The following CD163L1 variants were observed in gnomAD, a reference collection of about 807,000 sequenced individuals.
CD163L1 encodes scavenger receptor cysteine-rich type 1 protein M160.
CD163L1 carries 124 observed loss-of-function variants against 165.4 expected under a neutral mutation model. The ratio of observed to expected loss-of-function variants is 0.75; its 90% CI spans 0.65 to 0.87. The LOEUF is 0.87. Ranked by LOEUF, CD163L1 falls within the 40% of genes least tolerant of loss-of-function variation. The probability of loss-of-function intolerance (pLI) is 0.00; values close to 1 mark genes in which losing one functional copy is unlikely to be tolerated. For synonymous variants in CD163L1, 585 were observed against 662.2 expected (o/e 0.88, Z 1.79); for missense variants, 1,525 against 1,799.9 (o/e 0.85, Z 2.76).
At chr12:7,439,120 G>A in intron 2 of CD163L1, 15 of 1,572,324 alleles carry the variant, frequency 9.5e-6, no homozygotes, top group African/African-American at 1.4e-5. Context: ...CACTTTTAGT[G>A]TTTTGTTTCT....
intron 6 of CD163L1, among the ~76,000 whole-genome samples, chr12:7,401,792 C>T (rs142614080): frequency 1.1e-3 from 165 of 151,680 alleles, no homozygotes; most frequent in African/African-American, 3.7e-3. Flanking sequence ...TGAATGGTAG[C>T]GTTGCATGTG....
intron 18 of CD163L1, among the ~76,000 whole-genome samples, chr12:7,365,882 C>G (rs1310912781): frequency 1.3e-5 from 2 of 152,020 alleles, no homozygotes; most frequent in Non-Finnish European, 2.9e-5. Flanking sequence ...GATAGTATTA[C>G]TATACAATTC....
At chr12:7,439,674 T>G in intron 2 of CD163L1, 1 of 1,612,938 alleles carries the variant, frequency 6.2e-7, no homozygotes, top group Non-Finnish European at 8.5e-7. Context: ...TCTTCCTAAA[T>G]TCAAGAAGCA....
chr12:7,346,097 A>G (rs773536932), downstream of CD163L1, among the ~76,000 whole-genome samples: 18 of 152,088 alleles, frequency 1.2e-4, no homozygotes, highest in Non-Finnish European at 2.2e-4. Flanking sequence ...ATTTACTCTG[A>G]TATTTGTAAA....
chr12:7,332,742 T>C, the CD163L1 span, among the ~76,000 whole-genome samples: 1 of 152,132 alleles, frequency 6.6e-6, no homozygotes, highest in Non-Finnish European at 1.5e-5. Flanking sequence ...CTGAGAGATT[T>C]TGTCACCACC....
intron 8 of CD163L1, among the ~76,000 whole-genome samples, chr12:7,388,022 T>C (rs988547454): frequency 2.6e-5 from 4 of 152,134 alleles, no homozygotes; most frequent in Admixed American, 1.3e-4. Context: ...AGAACATACA[T>C]TGAGAGAAGG....
rs748751931 is a variant in CD163L1 at position 7,384,223 on chromosome 12, C to A, written c.2051-4925G>T. ...AGAACTGCAGAACTTGAAGATAAAT[C>A]TTTGAAATAACCTAGTAAAAGAAAA... On this transcript the variant is annotated intron_variant, in intron 8 of 19. Coordinates refer to ENST00000313599, the MANE Select transcript of CD163L1 (RefSeq NM_174941.6). 2.6e-5 allele frequency among the ~76,000 whole-genome samples: 4 copies of A among 152,010 alleles called. No homozygotes were observed. In the South Asian group the frequency reaches 8.3e-4, roughly 32 times the overall value.
At chr12:7,331,427 A>G in the CD163L1 span, among the ~76,000 whole-genome samples, 1 of 152,246 alleles carries the variant, frequency 6.6e-6, no homozygotes, top group Non-Finnish European at 1.5e-5. Context: ...ACAGCTTTGA[A>G]GAGAGCAGTG....
At chr12:7,356,763 A>G (rs1386920765) in intron 19 of CD163L1, among the ~76,000 whole-genome samples, 1 of 152,132 alleles carries the variant, frequency 6.6e-6, no homozygotes, top group Non-Finnish European at 1.5e-5. Flanking sequence ...TGGATTTTCT[A>G]GTTGACTTTG....
rs757579763 is a variant in CD163L1 at position 7,398,521 on chromosome 12, AC to A, written c.1471del (p.Val491Ter). ...AHSPCYGRLE[V>X]KYQGEWGTVC... is the part of the protein sequence containing the mutation. ...AGTCCCCCACTCTCCTTGGTATTTC[AC>A]CTCCAATCTCCCATAACAGGGGCTA... On this transcript the variant is annotated frameshift_variant, in exon 7 of 20. Transcript: ENST00000313599. LOFTEE classifies it high-confidence loss of function. The surrounding 1 kb of genome is among the most constrained non-coding windows in gnomAD (Gnocchi z 4.5). 3 of 1,612,300 alleles carry A rather than the reference AC, an allele frequency of 1.9e-6. No individual in the cohort carries two copies. The highest frequency in any genetic ancestry group is 1.7e-6 in the Non-Finnish European group (2 of 1,179,208).
intron 8 of CD163L1, among the ~76,000 whole-genome samples, chr12:7,380,377 G>GTATGTGTGTATACGCGTATACATACATC (rs1470799197): frequency 7.1e-6 from 1 of 140,088 alleles, no homozygotes; most frequent in African/African-American, 2.8e-5. Context: ...ATACATACAT[G>GTATGTGTGTATACGCGTATACATACATC]TATGTGTGTA....
the CD163L1 span, chr12:7,327,110 CA>C: frequency 1.3e-6 from 2 of 1,584,706 alleles, no homozygotes; most frequent in Non-Finnish European, 8.6e-7. Context: ...GTGCTTTGCC[CA>C]AAAGTTAAGT....
At chr12:7,401,371 T>A (rs1947913049) in intron 6 of CD163L1, among the ~76,000 whole-genome samples, 1 of 152,002 alleles carries the variant, frequency 6.6e-6, no homozygotes, top group African/African-American at 2.4e-5. Flanking sequence ...TATAGTGGAA[T>A]AATAGGGAAC....
chr12:7,414,121 A>G (rs1402672841), intron 4 of CD163L1, among the ~76,000 whole-genome samples: 5 of 152,226 alleles, frequency 3.3e-5, no homozygotes, highest in African/African-American at 1.2e-4. Context: ...CTGACCCCAA[A>G]GAAAGTAAGA....
At chr12:7,388,664 A>C (rs1363097572) in intron 8 of CD163L1, among the ~76,000 whole-genome samples, 1 of 149,880 alleles carries the variant, frequency 6.7e-6, no homozygotes, top group Non-Finnish European at 1.5e-5. Flanking sequence ...GGATTGCTTG[A>C]GCCCTGGAGG....
At position 7,377,355 on chromosome 12, in the gene CD163L1, C is replaced by T. The variant is rs144816947; in HGVS notation, c.2372-1341G>A. Among the ~76,000 whole-genome samples the T allele has an allele frequency of 1.5e-3, 231 of 152,268 alleles. 1 individual carries two copies. Among genetic ancestry groups the T allele is most frequent in the African/African-American group, 5.4e-3 (226 of 41,556 alleles). On this transcript the variant is annotated intron_variant, in intron 9 of 19. Transcript: ENST00000313599. ...TTCTATTTTTTCCTATAGCCTCTAA[C>T]ATCAGCTAATAGCATATATTTTACT... is the stretch of plus-strand genomic sequence containing the variant.
At chr12:7,345,683 C>T (rs1336853148), downstream of CD163L1, among the ~76,000 whole-genome samples, 2 of 152,200 alleles carry the variant, frequency 1.3e-5, no homozygotes, top group Non-Finnish European at 2.9e-5. Context: ...CTGTGTTAGG[C>T]TGTTCTTGTG....
Position 7,368,194 on chromosome 12 carries a change from T to C in CD163L1, c.4076A>G (p.His1359Arg). The C allele has an allele frequency of 1.3e-6, 2 of 1,541,896 alleles. No homozygotes were observed. The highest frequency in any genetic ancestry group is 1.8e-6 in the Non-Finnish European group (2 of 1,114,874). Residue 1359 changes from histidine to arginine, a missense_variant, in exon 17 of 20, where the codon CAT becomes CGT. Coordinates refer to ENST00000313599, the MANE Select transcript of CD163L1 (RefSeq NM_174941.6). The surrounding 1 kb of genome is among the most constrained non-coding windows in gnomAD (Gnocchi z 4.3). The part of the protein sequence containing the change: ...SLKSLNASSG[H>R]LALILSSIFG... Reference sequence around the variant, plus strand: ...GATACTGGATAAAATAAGTGCTAAATGACCTGTATAGAAATTAAGCATTGA... The same window carrying C: ...GATACTGGATAAAATAAGTGCTAAACGACCTGTATAGAAATTAAGCATTGA...
intron 4 of CD163L1, among the ~76,000 whole-genome samples, chr12:7,430,250 T>C (rs918944994): frequency 1.3e-5 from 2 of 152,140 alleles, no homozygotes; most frequent in African/African-American, 4.8e-5. Flanking sequence ...TTAGAAGACT[T>C]TACAGAAGGT....
Sources: gnomAD v4.1 joint callset for allele counts (sites outside exome capture counted in the v4.1 genomes callset) on GRCh38, gnomAD v4.1.1 for gene constraint, Gnocchi (gnomAD v3.1) non-coding constraint, MANE v1.5 for transcripts, NCBI Gene and HGNC (gene_info 2026-07-23, HGNC 2026-07-21) for gene names.